NARS2: variants seen among roughly 807,000 people sequenced by gnomAD.
NARS2 encodes the protein asparaginyl-tRNA synthetase 2, mitochondrial.
In NARS2, 60 loss-of-function variants were observed where a neutral mutation model predicts 62.9. That is an observed-to-expected ratio of 0.95 (90% CI 0.77 to 1.18). The LOEUF (loss-of-function observed/expected upper bound fraction) is 1.18, where lower values mean the gene tolerates loss of function less well. NARS2 is among the 50% of genes most tolerant of loss of function. The pLI, the probability that NARS2 is intolerant of heterozygous loss-of-function variation, is 0.00. For missense variants in NARS2, 619 were observed against 576.4 expected (o/e 1.07, Z -0.76); for synonymous variants, 196 against 200.0 (o/e 0.98, Z 0.17).
intron 6 of NARS2, among the ~76,000 whole-genome samples, chr11:78,517,712 G>A (rs1328549401): frequency 1.3e-5 from 2 of 152,190 alleles, no homozygotes; most frequent in Non-Finnish European, 2.9e-5. Flanking sequence ...ACCCAGGGAA[G>A]CTAAATATTC....
At chr11:78,495,912 G>A (rs1389917387) in intron 6 of NARS2, among the ~76,000 whole-genome samples, 1 of 152,154 alleles carries the variant, frequency 6.6e-6, no homozygotes, top group East Asian at 1.9e-4. Flanking sequence ...TGGAGCACAG[G>A]ATGCTCCAAG....
chr11:78,544,175 T>C (rs1268996591), intron 5 of NARS2, among the ~76,000 whole-genome samples: 1 of 152,172 alleles, frequency 6.6e-6, no homozygotes, highest in African/African-American at 2.4e-5. Flanking sequence ...CTCTCCCTGA[T>C]TTAATCTCCA....
chr11:78,487,367 AAAAG>A (rs1253455509), intron 7 of NARS2, among the ~76,000 whole-genome samples: 7 of 149,256 alleles, frequency 4.7e-5, no homozygotes, highest in Admixed American at 1.3e-4. Context: ...AAAAAAAAAA[AAAAG>A]AAAGAAAGAA....
At chr11:78,496,935 G>A (rs1468086496) in intron 6 of NARS2, among the ~76,000 whole-genome samples, 1 of 151,902 alleles carries the variant, frequency 6.6e-6, no homozygotes, top group East Asian at 1.9e-4. Flanking sequence ...ATCTTCCACA[G>A]ACATGAAAGC....
At chr11:78,447,600 C>T (rs1021529429) in intron 11 of NARS2, among the ~76,000 whole-genome samples, 3 of 152,064 alleles carry the variant, frequency 2.0e-5, no homozygotes, top group African/African-American at 4.8e-5. Flanking sequence ...AAACAACCTA[C>T]GTGCCCATCA....
chr11:78,543,692 T>C (rs572061405), intron 5 of NARS2, among the ~76,000 whole-genome samples: 3 of 152,190 alleles, frequency 2.0e-5, no homozygotes, highest in African/African-American at 7.2e-5. Context: ...ACAAAAAACA[T>C]GTACCCTGGT....
Position 78,572,450 on chromosome 11 carries a change from T to G in NARS2, c.142-1006A>C, listed in dbSNP as rs1486868736. ...GAGTTGAGATTCAAAAGGAATTTCTTACTTCAAAGTTCATGTTCTTATCAA... is the reference window on the plus strand; with the variant it reads ...GAGTTGAGATTCAAAAGGAATTTCTGACTTCAAAGTTCATGTTCTTATCAA... On this transcript the variant is annotated intron_variant, in intron 1 of 13. Transcript: ENST00000281038. Among the ~76,000 whole-genome samples, 4 of 152,226 alleles carry G rather than the reference T, an allele frequency of 2.6e-5. 1 individual carries two copies. The highest frequency in any genetic ancestry group is 5.9e-5 in the Non-Finnish European group (4 of 68,038).
intron 7 of NARS2, among the ~76,000 whole-genome samples, chr11:78,490,696 G>A (rs1007171598): frequency 6.6e-6 from 1 of 151,894 alleles, no homozygotes; most frequent in Non-Finnish European, 1.5e-5. Flanking sequence ...TTACTCAGGA[G>A]GCTGCAGTGA....
intron 11 of NARS2, among the ~76,000 whole-genome samples, chr11:78,459,076 G>A (rs898063008): frequency 2.0e-5 from 3 of 151,788 alleles, no homozygotes; most frequent in Admixed American, 2.0e-4. Flanking sequence ...CACCATGCCT[G>A]GCTACTTTTT....
intron 4 of NARS2, among the ~76,000 whole-genome samples, chr11:78,562,894 T>C (rs1856602092): frequency 6.6e-6 from 1 of 152,174 alleles, no homozygotes; most frequent in African/African-American, 2.4e-5. Flanking sequence ...AACTGAAACT[T>C]ACGAAAATTT....
At chr11:78,563,452 G>C (rs528513296) in intron 4 of NARS2, among the ~76,000 whole-genome samples, 3 of 151,858 alleles carry the variant, frequency 2.0e-5, no homozygotes, top group Admixed American at 6.6e-5. Context: ...TCTTGACCTC[G>C]TGATCTGCCT....
intron 6 of NARS2, among the ~76,000 whole-genome samples, chr11:78,507,369 G>A (rs1346453342): frequency 2.0e-5 from 3 of 151,834 alleles, no homozygotes; most frequent in Non-Finnish European, 4.4e-5. Context: ...TTATACTTTG[G>A]GCTGAAGCCT....
At chr11:78,491,228 G>A (rs1468820618) in intron 7 of NARS2, among the ~76,000 whole-genome samples, 1 of 152,212 alleles carries the variant, frequency 6.6e-6, no homozygotes, top group Non-Finnish European at 1.5e-5. Flanking sequence ...TTGTTGAACA[G>A]CACTTCTGCC....
intron 4 of NARS2, among the ~76,000 whole-genome samples, chr11:78,561,444 C>A (rs1235159681): frequency 6.6e-6 from 1 of 152,102 alleles, no homozygotes; most frequent in Non-Finnish European, 1.5e-5. Context: ...ACATGAAGGC[C>A]AGAAAAGAGG....
chr11:78,510,005 A>G (rs1461067732), intron 6 of NARS2, among the ~76,000 whole-genome samples: 2 of 152,156 alleles, frequency 1.3e-5, no homozygotes, highest in East Asian at 3.8e-4. Flanking sequence ...AAAATAAGAA[A>G]GAAATTTAAA....
intron 7 of NARS2, among the ~76,000 whole-genome samples, chr11:78,485,490 T>A (rs1329535941): frequency 6.6e-6 from 1 of 152,116 alleles, no homozygotes; most frequent in East Asian, 1.9e-4. Flanking sequence ...TGGGAACTAG[T>A]CAACTTGATT....
intron 7 of NARS2, among the ~76,000 whole-genome samples, chr11:78,480,411 C>T (rs373842838): frequency 6.6e-6 from 1 of 152,036 alleles, no homozygotes; most frequent in Non-Finnish European, 1.5e-5. Context: ...TGTGTCACCA[C>T]GCCTAGATAA....
chr11:78,567,547 C>T (rs1362266800), intron 3 of NARS2, among the ~76,000 whole-genome samples: 1 of 151,956 alleles, frequency 6.6e-6, no homozygotes. Flanking sequence ...ATCACAGATC[C>T]CTCTAAAAAA....
At chr11:78,518,121 C>T (rs12363982) in intron 6 of NARS2, among the ~76,000 whole-genome samples, 96,883 of 152,104 alleles carry the variant, frequency 0.64, 34,574 homozygotes, top group Non-Finnish European at 0.81. Flanking sequence ...AAAAATAATG[C>T]AACAATAAAA....
Sources: gnomAD v4.1 joint callset for allele counts (sites outside exome capture counted in the v4.1 genomes callset) on GRCh38, gnomAD v4.1.1 for gene constraint, MANE v1.5 for transcripts, NCBI Gene and HGNC (gene_info 2026-07-23, HGNC 2026-07-21) for gene names.